The following CCDC141 variants were observed in gnomAD, a reference collection of about 807,000 sequenced individuals.
CCDC141 encodes coiled-coil domain containing 141, also known as coiled-coil domain-containing protein 141.
Under a neutral mutation model 181.0 loss-of-function variants are expected in CCDC141, and 168 were observed. The ratio of observed to expected loss-of-function variants is 0.93; its 90% CI spans 0.82 to 1.05. The LOEUF is 1.05. CCDC141 is among the 50% of genes least tolerant of loss of function. The probability of loss-of-function intolerance (pLI) is 0.00; values close to 1 mark genes in which losing one functional copy is unlikely to be tolerated. For missense variants in CCDC141, 1,902 were observed against 1,788.5 expected (o/e 1.06, Z -1.14); for synonymous variants, 666 against 642.3 (o/e 1.04, Z -0.56).
intron 17 of CCDC141, among the ~76,000 whole-genome samples, chr2:178,861,222 A>G (rs1324379224): frequency 1.3e-5 from 2 of 151,496 alleles, no homozygotes; most frequent in Non-Finnish European, 2.9e-5. Flanking sequence ...GCTAGAGTGC[A>G]GTGACGTGAT....
chr2:178,964,073 C>T (rs192358812), intron 4 of CCDC141, among the ~76,000 whole-genome samples: 2 of 152,246 alleles, frequency 1.3e-5, no homozygotes, highest in Non-Finnish European at 2.9e-5. Context: ...ATGGGGAGGT[C>T]CAAGACACAC....
chr2:179,014,036 G>A (rs1305063625), intron 2 of CCDC141, among the ~76,000 whole-genome samples: 3 of 143,560 alleles, frequency 2.1e-5, no homozygotes, highest in African/African-American at 7.7e-5. Context: ...TATACTATAA[G>A]GCCATAGTCA....
chr2:178,892,283 G>A (rs559253748), intron 8 of CCDC141, among the ~76,000 whole-genome samples: 4 of 152,192 alleles, frequency 2.6e-5, no homozygotes, highest in Admixed American at 2.0e-4. Flanking sequence ...GTCATTCTGT[G>A]CACCATTGCC....
chr2:178,840,248 G>C (rs1371168601), intron 22 of CCDC141, among the ~76,000 whole-genome samples: 1 of 152,124 alleles, frequency 6.6e-6, no homozygotes, highest in African/African-American at 2.4e-5. Flanking sequence ...ATTTCTGGGA[G>C]GTCCCACTCC....
At chr2:178,987,169 C>A (rs1691792372) in intron 2 of CCDC141, among the ~76,000 whole-genome samples, 1 of 128,428 alleles carries the variant, frequency 7.8e-6, no homozygotes, top group Non-Finnish European at 1.6e-5. Flanking sequence ...TGCCGCATAT[C>A]TACAACTATC....
intron 2 of CCDC141, among the ~76,000 whole-genome samples, chr2:178,986,154 G>T (rs1267528853): frequency 6.6e-6 from 1 of 152,188 alleles, no homozygotes; most frequent in South Asian, 2.1e-4. Flanking sequence ...ATGGAAGGCT[G>T]GTTCAATATA....
intron 17 of CCDC141, among the ~76,000 whole-genome samples, chr2:178,856,787 G>A (rs961428566): frequency 5.3e-5 from 8 of 152,138 alleles, no homozygotes; most frequent in African/African-American, 1.9e-4. Context: ...TTTTCACCAT[G>A]TTGGCCAGAC....
chr2:179,044,694 C>T (rs2043428711), intron 2 of CCDC141, among the ~76,000 whole-genome samples: 1 of 152,180 alleles, frequency 6.6e-6, no homozygotes, highest in African/African-American at 2.4e-5. Context: ...CCCAGGTTAG[C>T]TTCAGCAGAA....
chr2:178,957,309 T>A (rs995649018), intron 5 of CCDC141, among the ~76,000 whole-genome samples: 4 of 152,218 alleles, frequency 2.6e-5, no homozygotes, highest in African/African-American at 7.2e-5. Flanking sequence ...TTATAGCAAC[T>A]CTGTGAGTTA....
Position 178,837,495 on chromosome 2 carries a change from G to A in CCDC141, c.3724C>T (p.Leu1242Phe), listed in dbSNP as rs748126269. The part of the protein sequence containing the change: ...MEVEEPVSSS[L>F]SLHISSYGVQ... ...CCATAGCTGCTTATGTGAAGGCTGA[G>A]GGAGGAGCTGACAGGCTCTTCCACC... Residue 1242 changes from leucine (L) to phenylalanine (F), a missense_variant, in exon 23 of 24, where the codon CTC becomes TTC. Leu to Phe is a conservative substitution (Grantham distance 22). Coordinates refer to ENST00000443758, the MANE Select transcript of CCDC141 (RefSeq NM_173648.4). 6.2e-7 allele frequency: 1 copy of A among 1,614,072 alleles called. No individual in the cohort carries two copies. Among genetic ancestry groups the A allele is most frequent in the South Asian group, 1.1e-5 (1 of 91,074 alleles).
At position 178,892,941 on chromosome 2, in the gene CCDC141, T is replaced by A. The variant is rs991300708; in HGVS notation, c.1266-4273A>T. Among the ~76,000 whole-genome samples, 8 of 152,186 alleles carry A rather than the reference T, an allele frequency of 5.3e-5. 1 individual carries two copies. The highest frequency in any genetic ancestry group is 5.2e-4 in the Admixed American group (8 of 15,268). On this transcript the variant is annotated intron_variant, in intron 8 of 23. Transcript: ENST00000443758. The stretch of plus-strand genomic sequence containing the variant: ...GATTGGGTGGGAGAGGGGCTAACAA[T>A]GGGCTTAGACTTCTAGCTCTAACAG...
chr2:178,879,883 G>A (rs1686517877), intron 11 of CCDC141, among the ~76,000 whole-genome samples: 1 of 152,202 alleles, frequency 6.6e-6, no homozygotes, highest in Admixed American at 6.5e-5. Flanking sequence ...GACAATACAT[G>A]ATCTTAGTGT....
At chr2:178,994,502 AC>A (rs1692196413) in intron 2 of CCDC141, among the ~76,000 whole-genome samples, 1 of 152,164 alleles carries the variant, frequency 6.6e-6, no homozygotes, top group African/African-American at 2.4e-5. Flanking sequence ...GGCCCCCGAA[AC>A]CACTTTTTCC....
chr2:179,030,362 C>G lies in CCDC141; in HGVS notation c.225+16922G>C, dbSNP rs1455363031. 3.3e-5 allele frequency among the ~76,000 whole-genome samples: 5 copies of G among 152,020 alleles called. No individual in the cohort carries two copies. In the East Asian group the frequency reaches 5.8e-4, roughly 18 times the overall value. On this transcript the variant is annotated intron_variant, in intron 2 of 23. Coordinates refer to ENST00000443758, the MANE Select transcript of CCDC141 (RefSeq NM_173648.4). Reference sequence around the variant, plus strand: ...AGCAAAACTAACTATGGCATATTAACAAAATCCTTTTAGCTATTTTTAGAA... The same window carrying G: ...AGCAAAACTAACTATGGCATATTAAGAAAATCCTTTTAGCTATTTTTAGAA...
chr2:178,827,294 C>A (rs747934244), downstream of CCDC141, among the ~76,000 whole-genome samples: 2 of 152,116 alleles, frequency 1.3e-5, no homozygotes, highest in Non-Finnish European at 2.9e-5. Context: ...AAATGCTCCA[C>A]GTGAGCATGA....
intron 4 of CCDC141, among the ~76,000 whole-genome samples, chr2:178,962,425 T>A (rs1267612501): frequency 6.6e-6 from 1 of 152,156 alleles, no homozygotes; most frequent in Non-Finnish European, 1.5e-5. Flanking sequence ...TTACATGCTA[T>A]CTCTGGCATC....
At chr2:178,950,972 ACAG>A (rs1275141056) in intron 5 of CCDC141, among the ~76,000 whole-genome samples, 5 of 152,186 alleles carry the variant, frequency 3.3e-5, no homozygotes, top group African/African-American at 9.7e-5. Flanking sequence ...ATTGCCCACA[ACAG>A]TTATTTGTGT....
chr2:178,960,812 A>G (rs1374104732), intron 5 of CCDC141, among the ~76,000 whole-genome samples: 1 of 152,186 alleles, frequency 6.6e-6, no homozygotes, highest in East Asian at 1.9e-4. Context: ...CATTATCTCT[A>G]TTTTGGGCTG....
chr2:178,841,048 T>G (rs1561625163), intron 22 of CCDC141, among the ~76,000 whole-genome samples: 1 of 152,230 alleles, frequency 6.6e-6, no homozygotes, highest in African/African-American at 2.4e-5. Flanking sequence ...GGTGATTGTA[T>G]TAGTTCATTT....
Sources: allele counts gnomAD v4.1 joint callset (sites outside exome capture counted in the v4.1 genomes callset), GRCh38; gene constraint gnomAD v4.1.1; transcripts MANE v1.5; gene names NCBI Gene and HGNC (gene_info 2026-07-23, HGNC 2026-07-21).